VAV3: variants seen among roughly 807,000 people sequenced by gnomAD.
VAV3 encodes vav guanine nucleotide exchange factor 3.
A neutral mutation model predicts 131.2 loss-of-function variants in VAV3; 94 were observed. The observed-to-expected ratio is 0.72, with a 90% CI of 0.61 to 0.85. The LOEUF (loss-of-function observed/expected upper bound fraction) is 0.85, where lower values mean the gene tolerates loss of function less well. Among genes scored for constraint, VAV3 ranks in the 40% least tolerant of loss-of-function variants. The probability of loss-of-function intolerance (pLI) is 0.00; values close to 1 mark genes in which losing one functional copy is unlikely to be tolerated. For synonymous variants in VAV3, 349 were observed against 342.0 expected (o/e 1.02, Z -0.22); for missense variants, 939 against 1,002.7 (o/e 0.94, Z 0.86).
intron 17 of VAV3, among the ~76,000 whole-genome samples, chr1:107,692,981 G>A (rs1209159889): frequency 2.0e-5 from 3 of 152,176 alleles, no homozygotes; most frequent in Non-Finnish European, 4.4e-5. Flanking sequence ...GCTTAGTCAT[G>A]TAGTGTAGTG....
chr1:107,873,817 T>C (rs1394475191), intron 2 of VAV3, among the ~76,000 whole-genome samples: 1 of 152,146 alleles, frequency 6.6e-6, no homozygotes, highest in Admixed American at 6.5e-5. Context: ...TGGTGCCTTC[T>C]AGATCACAAA....
At chr1:107,615,432 T>C (rs890173834) in intron 21 of VAV3, among the ~76,000 whole-genome samples, 2 of 152,114 alleles carry the variant, frequency 1.3e-5, no homozygotes, top group Admixed American at 1.3e-4. Context: ...CTTCCTTATA[T>C]GATATACAAA....
chr1:107,882,511 C>A (rs1286215745), intron 1 of VAV3, among the ~76,000 whole-genome samples: 1 of 152,072 alleles, frequency 6.6e-6, no homozygotes, highest in Non-Finnish European at 1.5e-5. Flanking sequence ...TCCTCTATAC[C>A]TCTCCAAAGG....
At chr1:107,660,191 C>A (rs772429869) in intron 19 of VAV3, among the ~76,000 whole-genome samples, 18 of 152,178 alleles carry the variant, frequency 1.2e-4, no homozygotes, top group Non-Finnish European at 2.2e-4. Flanking sequence ...TTGAACCCTG[C>A]AATGCTCAGA....
At chr1:107,780,147 T>C (rs1665613365) in intron 2 of VAV3, among the ~76,000 whole-genome samples, 1 of 152,242 alleles carries the variant, frequency 6.6e-6, no homozygotes, top group Non-Finnish European at 1.5e-5. Context: ...TTAACTTCTC[T>C]GAGCTTTTGT....
In VAV3 at chr1:107,623,558, T is replaced by C. The variant is rs185295587; in HGVS notation, c.1915-5926A>G. On this transcript the variant is annotated intron_variant, in intron 20 of 26. Transcript: ENST00000370056. ...TATTATATTCCTGACAGTCCATTCC[T>C]TTACTCAAATGCTTTCTTGGCAGTA... 3.9e-5 allele frequency among the ~76,000 whole-genome samples: 6 copies of C among 152,334 alleles called. No individual in the cohort carries two copies. In the East Asian group the frequency reaches 1.2e-3, roughly 29 times the overall value.
intron 12 of VAV3, among the ~76,000 whole-genome samples, chr1:107,753,935 A>T (rs1355054665): frequency 3.9e-5 from 6 of 152,188 alleles, no homozygotes; most frequent in Admixed American, 3.3e-4. Context: ...AATTCTAAAG[A>T]GGAAAAATAA....
chr1:107,889,975 C>T (rs1671237339), intron 1 of VAV3, among the ~76,000 whole-genome samples: 1 of 152,150 alleles, frequency 6.6e-6, no homozygotes, highest in Admixed American at 6.5e-5. Flanking sequence ...ATAATCTATC[C>T]TTTTTCTTTA....
At chr1:107,618,081 C>G (rs1291778006) in intron 20 of VAV3, among the ~76,000 whole-genome samples, 1 of 152,060 alleles carries the variant, frequency 6.6e-6, no homozygotes, top group African/African-American at 2.4e-5. Context: ...AGTTCACAGT[C>G]AAGTCTGCGC....
intron 19 of VAV3, among the ~76,000 whole-genome samples, chr1:107,646,547 T>C (rs1655751865): frequency 6.6e-6 from 1 of 152,118 alleles, no homozygotes; most frequent in African/African-American, 2.4e-5. Flanking sequence ...ATGATTAAAA[T>C]ACTAAGCCAA....
chr1:107,664,167 C>T (rs1300771669), intron 19 of VAV3, among the ~76,000 whole-genome samples: 2 of 152,118 alleles, frequency 1.3e-5, no homozygotes, highest in East Asian at 1.9e-4. Flanking sequence ...TACAATCACT[C>T]TTTGCCCTCC....
intron 15 of VAV3, among the ~76,000 whole-genome samples, chr1:107,717,632 T>C (rs1212672123): frequency 6.6e-6 from 1 of 152,196 alleles, no homozygotes; most frequent in Non-Finnish European, 1.5e-5. Context: ...TTCTTTTACA[T>C]TTGCTGAGGA....
intron 24 of VAV3, among the ~76,000 whole-genome samples, chr1:107,597,505 GT>G (rs1651491256): frequency 6.6e-6 from 1 of 152,218 alleles, no homozygotes; most frequent in South Asian, 2.1e-4. Context: ...GGAAGGGAAA[GT>G]TCAAAGGCAG....
At chr1:107,720,651 C>T (rs1661440436) in intron 15 of VAV3, among the ~76,000 whole-genome samples, 2 of 152,132 alleles carry the variant, frequency 1.3e-5, no homozygotes, top group Non-Finnish European at 2.9e-5. Context: ...GCACTCCAGC[C>T]TGCACAACAA....
intron 2 of VAV3, among the ~76,000 whole-genome samples, chr1:107,868,036 G>T (rs1670082521): frequency 6.6e-6 from 1 of 152,114 alleles, no homozygotes; most frequent in Admixed American, 6.6e-5. Flanking sequence ...AAATACAAGG[G>T]CATTGCTAGC....
intron 22 of VAV3, 108 bp from the exon 23 acceptor site, chr1:107,603,271 G>A: frequency 6.4e-6 from 5 of 786,670 alleles, no homozygotes; most frequent in Non-Finnish European, 1.1e-5. Flanking sequence ...CTGAGCTGTT[G>A]GTAATTCTAT....
rs1001287697 is a variant in VAV3 at position 107,704,839 on chromosome 1, C to A, written c.1604+121G>T. ...AAAGCCTGGCAAAGGTTTGTGGGAT[C>A]CAGACTGCTAAGGCAAATTCCCCAC... On this transcript the variant is annotated intron_variant, in intron 16 of 26. Transcript: ENST00000370056. The A allele has an allele frequency of 5.1e-5, 59 of 1,146,316 alleles. No individual in the cohort carries two copies. In the African/African-American group the frequency reaches 8.5e-4, roughly 17 times the overall value. The allele number at this position is 1,146,316 out of a possible 1,614,324, so 71.0% of individuals were successfully genotyped here.
chr1:107,671,411 T>C (rs975577645), intron 19 of VAV3, among the ~76,000 whole-genome samples: 1 of 152,190 alleles, frequency 6.6e-6, no homozygotes, highest in African/African-American at 2.4e-5. Context: ...CACCTAATAT[T>C]TTCATGATGA....
At chr1:107,639,385 A>G (rs966020739) in intron 20 of VAV3, among the ~76,000 whole-genome samples, 4 of 152,088 alleles carry the variant, frequency 2.6e-5, no homozygotes, top group Admixed American at 2.6e-4. Flanking sequence ...GAGAATAAAA[A>G]AAAAGCCACA....
Sources: allele counts gnomAD v4.1 joint callset (sites outside exome capture counted in the v4.1 genomes callset), GRCh38; gene constraint gnomAD v4.1.1; transcripts MANE v1.5; gene names NCBI Gene and HGNC (gene_info 2026-07-23, HGNC 2026-07-21).